The following ACSL4 variants were observed in gnomAD, a reference collection of about 807,000 sequenced individuals.
ACSL4 encodes the protein long-chain-fatty-acid--CoA ligase 4.
In ACSL4, 9 loss-of-function variants were observed where a neutral mutation model predicts 49.1. The ratio of observed to expected loss-of-function variants is 0.18; its 90% CI spans 0.11 to 0.32. The LOEUF is 0.32. ACSL4 is among the 10% of genes least tolerant of loss of function. The pLI, the probability that ACSL4 is intolerant of heterozygous loss-of-function variation, is 1.00. For synonymous variants in ACSL4, 191 were observed against 170.3 expected (o/e 1.12, Z -0.95); for missense variants, 333 against 493.7 (o/e 0.67, Z 3.08).
chrX:109,709,754 G>C (rs779226781), intron 1 of ACSL4, among the ~76,000 whole-genome samples: 1 of 112,664 alleles, frequency 8.9e-6, no homozygotes, highest in South Asian at 3.7e-4. Flanking sequence ...CGCTAAACTG[G>C]GTTGAGCCAG....
rs376009277 is a variant in ACSL4 at position 109,645,515 on chromosome X, G to C, written c.1856-1329C>G. Among the ~76,000 whole-genome samples, 1,040 of 106,562 alleles carry C rather than the reference G, an allele frequency of 9.8e-3. 11 individuals are homozygous for C. Among genetic ancestry groups the C allele is most frequent in the African/African-American group, 0.031 (896 of 29,141 alleles). The allele number at this position is 106,562 out of a possible 115,157, so 92.5% of individuals were successfully genotyped here. The stretch of plus-strand genomic sequence containing the variant: ...AGAAAGGACATCCACACCAAAAACC[G>C]ATCTGTACATCACCATCATCAAAGA... On this transcript the variant is annotated intron_variant, in intron 15 of 15. Transcript: ENST00000672401.
At chrX:109,646,060 G>C (rs890685054) in intron 15 of ACSL4, among the ~76,000 whole-genome samples, 4 of 112,145 alleles carry the variant, frequency 3.6e-5, no homozygotes, top group African/African-American at 9.7e-5. Flanking sequence ...GTACCTGAAA[G>C]TGATGGGGAG....
At chrX:109,701,829 C>A (rs1925979799) in intron 1 of ACSL4, among the ~76,000 whole-genome samples, 1 of 99,825 alleles carries the variant, frequency 1.0e-5, no homozygotes, top group African/African-American at 3.6e-5. Flanking sequence ...CAGGCGTGAG[C>A]CACTCCGCCT....
rs73248182 is a variant in ACSL4 at position 109,730,587 on chromosome X, A to G, written c.-66+2552T>C. 8.3e-3 allele frequency among the ~76,000 whole-genome samples: 934 copies of G among 112,498 alleles called. 6 individuals are homozygous for G. The highest frequency in any genetic ancestry group is 0.012 in the Non-Finnish European group (617 of 53,286). ...TCATAGAGTAGGGTTTGTCTTAACC[A>G]TCATGTCCTGAGGGCCTGACATACG... On this transcript the variant is annotated intron_variant, in intron 1 of 15. Transcript: ENST00000672401.
chrX:109,650,046 T>A (rs1438722045), intron 15 of ACSL4, among the ~76,000 whole-genome samples: 1 of 111,249 alleles, frequency 9.0e-6, no homozygotes, highest in Non-Finnish European at 1.9e-5. Flanking sequence ...GGAGAGGATG[T>A]CGAGAAATAG....
intron 15 of ACSL4, among the ~76,000 whole-genome samples, chrX:109,645,043 T>C (rs1026880819): frequency 2.7e-5 from 3 of 112,860 alleles, no homozygotes; most frequent in Non-Finnish European, 5.6e-5. Context: ...TCTCGCTGAT[T>C]GCTAGCACAG....
At chrX:109,711,582 CT>C (rs1240088725) in intron 1 of ACSL4, among the ~76,000 whole-genome samples, 1 of 112,591 alleles carries the variant, frequency 8.9e-6, no homozygotes, top group Non-Finnish European at 1.9e-5. Context: ...ACTTGAACCT[CT>C]TTTAATTTCT....
At chrX:109,645,634 T>G (rs1300257267) in intron 15 of ACSL4, among the ~76,000 whole-genome samples, 1 of 112,379 alleles carries the variant, frequency 8.9e-6, no homozygotes, top group East Asian at 2.8e-4. Flanking sequence ...TCCAAAGGAA[T>G]GCAGTTCCTC....
Position 109,641,717 on chromosome X carries a change from C to T in ACSL4, c.*2312G>A, listed in dbSNP as rs1268020547. ...AATATCACACAATTATACCTCTACTCTAGAGAAAAAAAGAATAAATACAAA... is the reference window on the plus strand; with the variant it reads ...AATATCACACAATTATACCTCTACTTTAGAGAAAAAAAGAATAAATACAAA... On this transcript the variant is annotated 3_prime_UTR_variant, in exon 16 of 16. Transcript: ENST00000672401. The T allele has an allele frequency of 8.9e-6, 1 of 111,732 alleles. No homozygotes were observed. The highest frequency in any genetic ancestry group is 1.9e-5 in the Non-Finnish European group (1 of 53,023). The allele number at this position is 111,732 out of a possible 1,213,427, so 9.2% of individuals were successfully genotyped here.
chrX:109,723,636 A>G (rs1349003849), intron 1 of ACSL4, among the ~76,000 whole-genome samples: 7 of 112,091 alleles, frequency 6.2e-5, no homozygotes, highest in Non-Finnish European at 1.3e-4. Flanking sequence ...TTCCCTACTG[A>G]TGGATATTTA....
At chrX:109,648,518 C>T (rs1430276802) in intron 15 of ACSL4, among the ~76,000 whole-genome samples, 4 of 111,015 alleles carry the variant, frequency 3.6e-5, no homozygotes, top group Non-Finnish European at 5.7e-5. Flanking sequence ...ATTGATGGGA[C>T]GTATTTCAAA....
intron 6 of ACSL4, 117 bp downstream of exon 6, chrX:109,680,881 C>A: frequency 1.4e-6 from 1 of 725,416 alleles, no homozygotes; most frequent in Non-Finnish European, 2.0e-6. Context: ...GATTTTTGAA[C>A]TTTTTTTTTT....
rs191098507 is a variant in ACSL4 at position 109,645,000 on chromosome X, G to A, written c.1856-814C>T. Among the ~76,000 whole-genome samples, 156 of 113,082 alleles carry A rather than the reference G, an allele frequency of 1.4e-3. 1 individual carries two copies. The highest frequency in any genetic ancestry group is 4.6e-3 in the African/African-American group (143 of 31,191). On this transcript the variant is annotated intron_variant, in intron 15 of 15. Coordinates refer to ENST00000672401, the MANE Select transcript of ACSL4 (RefSeq NM_001318510.2). ...ACGGTGCACCAGGAGATTATAGCCCGCACCTGGCTCGGAGGGTCCTACGCC... is the reference window on the plus strand; with the variant it reads ...ACGGTGCACCAGGAGATTATAGCCCACACCTGGCTCGGAGGGTCCTACGCC...
At chrX:109,665,833 A>C (rs758007742) in intron 11 of ACSL4, among the ~76,000 whole-genome samples, 224 of 112,064 alleles carry the variant, frequency 2.0e-3, no homozygotes, top group Non-Finnish European at 3.1e-3. Context: ...AACATGGACA[A>C]GTAACTTAGC....
intron 2 of ACSL4, among the ~76,000 whole-genome samples, chrX:109,690,440 C>G (rs1242783661): frequency 9.0e-6 from 1 of 111,704 alleles, no homozygotes; most frequent in East Asian, 2.8e-4. Flanking sequence ...AGGTATTGAG[C>G]ATTTACTACA....
At chrX:109,672,857 C>A (rs1923379322) in intron 9 of ACSL4, among the ~76,000 whole-genome samples, 1 of 110,463 alleles carries the variant, frequency 9.1e-6, no homozygotes, top group Non-Finnish European at 1.9e-5. Flanking sequence ...CCAACAGGGT[C>A]TCCTGACAGC....
At position 109,644,771 on chromosome X, in the gene ACSL4, G is replaced by C. The variant is rs1042310743; in HGVS notation, c.1856-585C>G. On this transcript the variant is annotated intron_variant, in intron 15 of 15. Coordinates refer to ENST00000672401, the MANE Select transcript of ACSL4 (RefSeq NM_001318510.2). ...TTCTGCATTTCCATCTGAGGTACCA[G>C]GTTCATCTCACTAGGGAGTGCCAGA... is the stretch of plus-strand genomic sequence containing the variant. Among the ~76,000 whole-genome samples, 15 of 113,037 alleles carry C rather than the reference G, an allele frequency of 1.3e-4. 3 individuals are homozygous for C. In the South Asian group the frequency reaches 1.4e-3, roughly 11 times the overall value.
intron 1 of ACSL4, among the ~76,000 whole-genome samples, chrX:109,720,673 G>A (rs1260771296): frequency 8.9e-6 from 1 of 111,934 alleles, no homozygotes. Flanking sequence ...CCAATACAGT[G>A]TGCCTGAGCC....
At chrX:109,702,373 T>C (rs1251271225) in intron 1 of ACSL4, among the ~76,000 whole-genome samples, 1 of 112,370 alleles carries the variant, frequency 8.9e-6, no homozygotes, top group African/African-American at 3.2e-5. Flanking sequence ...TGGTAGACAT[T>C]TGGGGTTTTT....
Sources: gnomAD v4.1 joint callset for allele counts (sites outside exome capture counted in the v4.1 genomes callset) on GRCh38, gnomAD v4.1.1 for gene constraint, MANE v1.5 for transcripts, NCBI Gene and HGNC (gene_info 2026-07-23, HGNC 2026-07-21) for gene names.